The following FAM153A variants were observed in gnomAD, a reference collection of about 807,000 sequenced individuals.
FAM153A encodes protein FAM153A.
FAM153A carries 12 observed loss-of-function variants against 48.1 expected under a neutral mutation model. The ratio of observed to expected loss-of-function variants is 0.25; its 90% confidence interval spans 0.16 to 0.40. FAM153A has a LOEUF of 0.40. Ranked by LOEUF, FAM153A falls within the 10% of genes least tolerant of loss-of-function variation. The probability of loss-of-function intolerance (pLI) is 1.00; values close to 1 mark genes in which losing one functional copy is unlikely to be tolerated. For missense variants in FAM153A, 111 were observed against 345.8 expected (o/e 0.32, Z 5.38); for synonymous variants, 36 against 118.2 (o/e 0.30, Z 4.51).
intron 1 of FAM153A, among the ~76,000 whole-genome samples, chr5:177,766,164 T>TAAA (rs779831237): frequency 0.017 from 1,594 of 92,042 alleles, 122 homozygotes; most frequent in African/African-American, 0.056. Context: ...GCCAATAGGA[T>TAAA]AAAAAAAAAA....
intron 1 of FAM153A, among the ~76,000 whole-genome samples, chr5:177,772,746 T>C (rs1341223512): frequency 1.1e-4 from 1 of 8,726 alleles, no homozygotes; most frequent in African/African-American, 2.7e-4. Context: ...TCGAACTGGG[T>C]GGAGCCCACC....
chr5:177,754,527 C>G (rs529943041), upstream of FAM153A, among the ~76,000 whole-genome samples: 6 of 152,018 alleles, frequency 3.9e-5, no homozygotes, highest in South Asian at 1.2e-3. Flanking sequence ...TGAGAACTGA[C>G]AGACTGCCTC....
intron 10 of FAM153A, among the ~76,000 whole-genome samples, chr5:177,738,015 C>T (rs1317698053): frequency 6.6e-6 from 1 of 151,596 alleles, no homozygotes; most frequent in Non-Finnish European, 1.5e-5. Context: ...CCTTTTAACA[C>T]AGTGTGTGTG....
chr5:177,755,364 A>G (rs1221720339), upstream of FAM153A, among the ~76,000 whole-genome samples: 4 of 151,992 alleles, frequency 2.6e-5, no homozygotes, highest in Admixed American at 6.6e-5. Flanking sequence ...TCTGATTGGT[A>G]TACCTGAAAG....
intron 25 of FAM153A, among the ~76,000 whole-genome samples, chr5:177,715,755 G>A (rs1339329753): frequency 6.6e-6 from 1 of 151,898 alleles, no homozygotes; most frequent in South Asian, 2.1e-4. Context: ...CCAGCCTGGA[G>A]TGCAGTGGTA....
At chr5:177,749,844 CT>C (rs1477217848) in intron 2 of FAM153A, among the ~76,000 whole-genome samples, 1 of 140,290 alleles carries the variant, frequency 7.1e-6, no homozygotes, top group African/African-American at 2.6e-5. Context: ...TGAATTCTGC[CT>C]AACACAATGG....
chr5:177,718,888 A>ATT (rs1369206852), downstream of FAM153A, among the ~76,000 whole-genome samples: 1 of 147,712 alleles, frequency 6.8e-6, no homozygotes, highest in Non-Finnish European at 1.5e-5. Context: ...AAAGTATACA[A>ATT]TTTTTTTTTT....
intron 16 of FAM153A, among the ~76,000 whole-genome samples, chr5:177,730,079 T>C (rs1763523731): frequency 9.5e-6 from 1 of 105,286 alleles, no homozygotes; most frequent in Non-Finnish European, 2.1e-5. Flanking sequence ...TGAAAATAAT[T>C]ATCCTACCAT....
chr5:177,702,929 C>T, the FAM153A span, among the ~76,000 whole-genome samples: 1 of 152,046 alleles, frequency 6.6e-6, no homozygotes, highest in Non-Finnish European at 1.5e-5. Context: ...AGAGGTCCTC[C>T]ATGAAGGCTC....
chr5:177,749,804 A>T (rs550379285), intron 2 of FAM153A, among the ~76,000 whole-genome samples: 15 of 126,580 alleles, frequency 1.2e-4, no homozygotes, highest in East Asian at 6.6e-4. Context: ...GTAATAACTT[A>T]AAAAAAAAAT....
At chr5:177,710,367 C>T (rs1378636496), downstream of FAM153A, among the ~76,000 whole-genome samples, 2 of 151,726 alleles carry the variant, frequency 1.3e-5, no homozygotes, top group African/African-American at 4.9e-5. Flanking sequence ...CTATCTTGGC[C>T]TCCCAAAGTG....
At chr5:177,718,881 G>A (rs942627557), downstream of FAM153A, among the ~76,000 whole-genome samples, 17 of 149,996 alleles carry the variant, frequency 1.1e-4, no homozygotes, top group African/African-American at 4.2e-4. Flanking sequence ...AGTCAATAAA[G>A]TATACAATTT....
chr5:177,709,134 A>G (rs1015324388), downstream of FAM153A, among the ~76,000 whole-genome samples: 25 of 104,142 alleles, frequency 2.4e-4, 1 homozygote, highest in Non-Finnish European at 4.0e-4. Flanking sequence ...AAAAAAAAAG[A>G]AAGAAAAGCC....
At chr5:177,708,812 G>C (rs894320561), downstream of FAM153A, among the ~76,000 whole-genome samples, 2 of 150,958 alleles carry the variant, frequency 1.3e-5, no homozygotes, top group African/African-American at 2.4e-5. Flanking sequence ...GCCTAGTCTT[G>C]GACCGGGCTC....
chr5:177,779,138 A>T (rs1305576173), intron 1 of FAM153A, among the ~76,000 whole-genome samples: 1 of 151,816 alleles, frequency 6.6e-6, no homozygotes, highest in Admixed American at 6.6e-5. Flanking sequence ...TTATAAAACT[A>T]AAATATGGTT....
At chr5:177,701,215 G>A in the FAM153A span, among the ~76,000 whole-genome samples, 1 of 151,822 alleles carries the variant, frequency 6.6e-6, no homozygotes, top group African/African-American at 2.4e-5. Context: ...AAGCCACTAT[G>A]CTTCCTGTAC....
chr5:177,769,230 CAAAA>C (rs564065546), intron 1 of FAM153A, among the ~76,000 whole-genome samples: 1 of 16,962 alleles, frequency 5.9e-5, no homozygotes, highest in Non-Finnish European at 1.1e-4. Flanking sequence ...GACTCCGTCC[CAAAA>C]AAAAAAAAAA....
the FAM153A span, among the ~76,000 whole-genome samples, chr5:177,699,374 CAAT>C: frequency 6.6e-6 from 1 of 150,968 alleles, no homozygotes; most frequent in Non-Finnish European, 1.5e-5. Flanking sequence ...GGTAGAAAAA[CAAT>C]GGAAAAAAAT....
At chr5:177,707,439 A>C (rs570920946), downstream of FAM153A, among the ~76,000 whole-genome samples, 5 of 151,832 alleles carry the variant, frequency 3.3e-5, no homozygotes, top group Non-Finnish European at 7.4e-5. Flanking sequence ...CATTTCTTGG[A>C]AAAAAAAGGA....
Sources: allele counts gnomAD v4.1 joint callset (sites outside exome capture counted in the v4.1 genomes callset), GRCh38; gene constraint gnomAD v4.1.1; transcripts MANE v1.5; gene names NCBI Gene and HGNC (gene_info 2026-07-23, HGNC 2026-07-21).